GPSM1: variants seen among roughly 807,000 people sequenced by gnomAD.
The protein encoded by GPSM1 is G protein-signaling modulator 1.
GPSM1 carries 48 observed loss-of-function variants against 70.5 expected under a neutral mutation model. The observed-to-expected ratio is 0.68, with a 90% confidence interval of 0.54 to 0.87. GPSM1 has a LOEUF of 0.87. Among genes scored for constraint, GPSM1 ranks in the 40% least tolerant of loss-of-function variants. The pLI is 0.00. For missense variants in GPSM1, 981 were observed against 972.6 expected (o/e 1.01, Z -0.11); for synonymous variants, 416 against 430.1 (o/e 0.97, Z 0.41).
Position 136,342,590 on chromosome 9 carries a change from T to C in GPSM1, c.1207+1597T>C, listed in dbSNP as rs1554770499. ...CGCTGTGGGAGGCAGGCTGCACACCTAGAGCCTGGGCGGCCCTGGGTGAGA... is the reference window on the plus strand; with the variant it reads ...CGCTGTGGGAGGCAGGCTGCACACCCAGAGCCTGGGCGGCCCTGGGTGAGA... On this transcript the variant is annotated intron_variant, in intron 9 of 13. Transcript: ENST00000440944. This position sits in a 1 kb window ranked among gnomAD's most constrained non-coding sequence, Gnocchi z 5.5. 6.6e-6 allele frequency among the ~76,000 whole-genome samples: 1 copy of C among 152,018 alleles called. No homozygotes were observed. Among genetic ancestry groups the C allele is most frequent in the African/African-American group, 2.4e-5 (1 of 41,410 alleles).
chr9:136,359,310 G>C lies in GPSM1; in HGVS notation c.*1090G>C, dbSNP rs1832934199. 1 of 152,226 alleles carries C rather than the reference G, an allele frequency of 6.6e-6. No homozygotes were observed. The highest frequency in any genetic ancestry group is 1.5e-5 in the Non-Finnish European group (1 of 68,054). 9.4% of individuals were successfully genotyped at this position (152,226 alleles called of 1,614,324 possible). A position where few individuals can be genotyped will look rare whatever the true frequency, so the allele number is the denominator to read the frequency against. On this transcript the variant is annotated 3_prime_UTR_variant, in exon 14 of 14. Coordinates refer to ENST00000440944, the MANE Select transcript of GPSM1 (RefSeq NM_001145638.3). Reference sequence around the variant, plus strand: ...CCCTACCATGGCCCCACAGCCCCCAGGGCTGGCAGTTCCATCTAGGAGGGT... The same window carrying C: ...CCCTACCATGGCCCCACAGCCCCCACGGCTGGCAGTTCCATCTAGGAGGGT...
chr9:136,353,446 T>C (rs926773239), intron 11 of GPSM1, among the ~76,000 whole-genome samples: 11 of 151,948 alleles, frequency 7.2e-5, no homozygotes, highest in Non-Finnish European at 1.3e-4. Context: ...AAGGTGGCCT[T>C]GGGGCCCAGG....
chr9:136,358,137 C>T lies in GPSM1; in HGVS notation c.1945C>T (p.Arg649Trp), dbSNP rs1206662997. ...RVQAKRMDEQ[R>W]VDLAGGPEQG... ...GCAGGCTAAGCGCATGGACGAGCAG[C>T]GGGTGGACCTCGCCGGGGGCCCGGA... Residue 649 changes from arginine to tryptophan, a missense_variant, in exon 14 of 14, where the codon CGG (arginine) becomes TGG (tryptophan). By Grantham distance (101) the Arg-to-Trp change is moderately radical (BLOSUM62 -3). Transcript: ENST00000440944. 11 of 1,609,398 alleles carry T rather than the reference C, an allele frequency of 6.8e-6. No homozygotes were observed. Among genetic ancestry groups the T allele is most frequent in the Admixed American group, 6.7e-5 (4 of 59,584 alleles).
chr9:136,339,536 G>A (rs1832334324), intron 7 of GPSM1, among the ~76,000 whole-genome samples, 171 bp from the exon 8 acceptor site: 1 of 152,246 alleles, frequency 6.6e-6, no homozygotes, highest in Middle Eastern at 3.2e-3. Context: ...ATTTGTGGGA[G>A]GTCCAGCTGG....
intron 13 of GPSM1, among the ~76,000 whole-genome samples, chr9:136,357,760 T>C (rs1470936467): frequency 6.6e-6 from 1 of 152,214 alleles, no homozygotes; most frequent in Non-Finnish European, 1.5e-5. Context: ...TGGGAATCGC[T>C]GGACCTGCTT....
At chr9:136,346,732 C>A (rs943205464) in intron 9 of GPSM1, among the ~76,000 whole-genome samples, 1 of 152,150 alleles carries the variant, frequency 6.6e-6, no homozygotes, top group African/African-American at 2.4e-5. Context: ...CCCTCATGGT[C>A]GGGGCCAGGC....
intron 1 of GPSM1, among the ~76,000 whole-genome samples, chr9:136,328,323 G>C (rs902002125): frequency 2.0e-5 from 3 of 152,188 alleles, no homozygotes; most frequent in African/African-American, 7.2e-5. Context: ...CCCTGCCCCA[G>C]GTGGCATGCC....
Position 136,343,388 on chromosome 9 carries a change from G to GGCCTGTCCCCGATGGCCCT in GPSM1, c.1207+2405_1207+2423dup, listed in dbSNP as rs1832442221. ...CCCTGCAGGACCGCCCCCTGCCCTTGGCCTGTCCCCGATGGCCCTGCCTGT... is the reference window on the plus strand; with the variant it reads ...CCCTGCAGGACCGCCCCCTGCCCTTGGCCTGTCCCCGATGGCCCTGCCTGTCCCCGATGGCCCTGCCTGT... On this transcript the variant is annotated intron_variant, in intron 9 of 13. Transcript: ENST00000440944. The surrounding 1 kb of genome is among the most constrained non-coding windows in gnomAD (Gnocchi z 6.0). Among the ~76,000 whole-genome samples the GGCCTGTCCCCGATGGCCCT allele has an allele frequency of 6.6e-6, 1 of 152,196 alleles. No homozygotes were observed. Among genetic ancestry groups the GGCCTGTCCCCGATGGCCCT allele is most frequent in the South Asian group, 2.1e-4 (1 of 4,834 alleles).
chr9:136,329,302 G>A (rs556231422), intron 1 of GPSM1, among the ~76,000 whole-genome samples: 1 of 152,320 alleles, frequency 6.6e-6, no homozygotes, highest in South Asian at 2.1e-4. Flanking sequence ...GTCCCCCCGG[G>A]AGTCTGCACC....
At chr9:136,357,285 C>G (rs1832857378) in intron 13 of GPSM1, among the ~76,000 whole-genome samples, 1 of 152,180 alleles carries the variant, frequency 6.6e-6, no homozygotes, top group Admixed American at 6.5e-5. Flanking sequence ...CTTGGCCCAC[C>G]ACGAACCAAG....
In GPSM1 at chr9:136,349,660, G is replaced by A; in HGVS notation, c.1352G>A (p.Arg451Lys). The change falls in exon 11 of 14, where the codon AGG becomes AAG. Residue 451 changes from arginine to lysine, a missense_variant. Arg to Lys is a conservative substitution (Grantham distance 26). Coordinates refer to ENST00000440944, the MANE Select transcript of GPSM1 (RefSeq NM_001145638.3). ...AGGGACTCGCTACCCCTCCCCGTGA[G>A]GAGCAGGAAGTACCAGGAAGGCCCG... is the stretch of plus-strand genomic sequence containing the variant. ...PSRDSLPLPV[R>K]SRKYQEGPDA... The A allele has an allele frequency of 6.4e-7, 1 of 1,551,726 alleles. No individual in the cohort carries two copies.
chr9:136,346,061 G>C (rs781914314), intron 9 of GPSM1, among the ~76,000 whole-genome samples: 5 of 152,242 alleles, frequency 3.3e-5, no homozygotes, highest in Non-Finnish European at 7.3e-5. Flanking sequence ...TGTGTTGGGA[G>C]TGGGAGGAGC....
chr9:136,327,987 CG>C (rs1354867561), intron 1 of GPSM1, among the ~76,000 whole-genome samples: 34 of 105,810 alleles, frequency 3.2e-4, no homozygotes, highest in African/African-American at 9.7e-4. Flanking sequence ...GGTGGGGGGC[CG>C]GGGGGCTGGA....
intron 13 of GPSM1, among the ~76,000 whole-genome samples, chr9:136,356,946 G>A (rs778255330): frequency 7.2e-5 from 11 of 152,228 alleles, no homozygotes; most frequent in African/African-American, 2.7e-4. Context: ...AGAGTGGGGA[G>A]GGCAGGGGGA....
Position 136,349,746 on chromosome 9 carries a change from G to A in GPSM1, c.1438G>A (p.Val480Met). 6.3e-7 allele frequency: 1 copy of A among 1,581,620 alleles called. No individual in the cohort carries two copies. Among genetic ancestry groups the A allele is most frequent in the South Asian group, 1.2e-5 (1 of 86,492 alleles). Residue 480 changes from valine (V) to methionine (M), a missense_variant, in exon 11 of 14, where the codon GTG (valine) becomes ATG (methionine). Transcript: ENST00000440944. ...HSPLDSADVR[V>M]HVPRTSIPRA... is the part of the protein sequence containing the mutation. ...CCCGCTGGACAGCGCCGACGTCCGG[G>A]TGCACGTGCCACGCACGGTAGGCGT... is the stretch of plus-strand genomic sequence containing the variant.
chr9:136,356,425 C>G lies in GPSM1; in HGVS notation c.1696C>G (p.Gln566Glu). The G allele has an allele frequency of 6.2e-7, 1 of 1,610,504 alleles. No individual in the cohort carries two copies. The highest frequency in any genetic ancestry group is 8.5e-7 in the Non-Finnish European group (1 of 1,178,630). Residue 566 changes from glutamine (Q) to glutamate (E), a missense_variant, in exon 13 of 14, where the codon CAG becomes GAG. Gln to Glu is a conservative substitution (Grantham distance 29). Coordinates refer to ENST00000440944, the MANE Select transcript of GPSM1 (RefSeq NM_001145638.3). The stretch of plus-strand genomic sequence containing the variant: ...CTCCCAGAGCCGCCGGCTGGACGAC[C>G]AGCGGGCCAGCGTGGGCAGCCTGCC... Reference protein sequence around the residue: ...ASSQSRRLDDQRASVGSLPGL... With the variant: ...ASSQSRRLDDERASVGSLPGL...
intron 11 of GPSM1, among the ~76,000 whole-genome samples, chr9:136,354,445 G>GC (rs1832756613): frequency 1.3e-5 from 2 of 152,076 alleles, no homozygotes; most frequent in East Asian, 3.9e-4. Flanking sequence ...CAGCATCGGG[G>GC]ACCCGGGAGG....
chr9:136,357,945 C>T (rs1054332765), intron 13 of GPSM1, 69 bp from the exon 14 acceptor site: 34 of 1,276,506 alleles, frequency 2.7e-5, no homozygotes, highest in East Asian at 4.7e-5. Flanking sequence ...CTGGAACCAC[C>T]GCTGCTGACC....
chr9:136,348,802 C>A (rs782743907), intron 10 of GPSM1, 35 bp downstream of exon 10: 5 of 1,520,632 alleles, frequency 3.3e-6, no homozygotes, highest in Non-Finnish European at 3.6e-6. Context: ...GTCAGCACAG[C>A]CGCTGCCAGA....
Sources: allele counts gnomAD v4.1 joint callset (sites outside exome capture counted in the v4.1 genomes callset), GRCh38; gene constraint gnomAD v4.1.1; non-coding constraint Gnocchi (gnomAD v3.1); transcripts MANE v1.5; gene names NCBI Gene and HGNC (gene_info 2026-07-23, HGNC 2026-07-21).